GALNT13: variants seen among roughly 807,000 people sequenced by gnomAD.
GALNT13 encodes the protein polypeptide N-acetylgalactosaminyltransferase 13.
In GALNT13, 28 loss-of-function variants were observed where a neutral mutation model predicts 64.2. The ratio of observed to expected loss-of-function variants is 0.44; its 90% CI spans 0.32 to 0.60. GALNT13 has a LOEUF of 0.60. Ranked by LOEUF, GALNT13 falls within the 20% of genes least tolerant of loss-of-function variation. GALNT13 has a pLI of 0.05. For missense variants in GALNT13, 577 were observed against 669.8 expected (o/e 0.86, Z 1.53); for synonymous variants, 214 against 224.6 (o/e 0.95, Z 0.42).
intron 9 of GALNT13, among the ~76,000 whole-genome samples, chr2:154,377,248 C>G (rs889379858): frequency 6.6e-6 from 1 of 151,610 alleles, no homozygotes; most frequent in Non-Finnish European, 1.5e-5. Context: ...TCTTTTCATT[C>G]AGTGATATCT....
chr2:153,473,462 G>A, the GALNT13 span, among the ~76,000 whole-genome samples: 22 of 152,180 alleles, frequency 1.4e-4, no homozygotes, highest in South Asian at 4.6e-3. Context: ...AAGTGAGATT[G>A]GCCATGGAAA....
At chr2:154,101,235 G>A (rs1386351806) in intron 3 of GALNT13, among the ~76,000 whole-genome samples, 1 of 151,876 alleles carries the variant, frequency 6.6e-6, no homozygotes, top group Non-Finnish European at 1.5e-5. Context: ...GAGTTAGGAA[G>A]GAATGTTTCC....
the GALNT13 span, among the ~76,000 whole-genome samples, chr2:153,771,649 T>C: frequency 5.3e-5 from 8 of 152,036 alleles, no homozygotes; most frequent in Admixed American, 1.3e-4. Context: ...AAAGATTTTG[T>C]AGGAAAAAGG....
the GALNT13 span, among the ~76,000 whole-genome samples, chr2:153,158,687 T>C: frequency 2.0e-5 from 3 of 152,212 alleles, no homozygotes; most frequent in Non-Finnish European, 4.4e-5. Context: ...CAGAACATGA[T>C]GTATTTTGAA....
At chr2:153,298,878 T>C in the GALNT13 span, among the ~76,000 whole-genome samples, 1 of 152,210 alleles carries the variant, frequency 6.6e-6, no homozygotes, top group African/African-American at 2.4e-5. Context: ...ATGAGTATGT[T>C]ACTGGAAGGT....
At chr2:153,826,532 TC>T in the GALNT13 span, among the ~76,000 whole-genome samples, 1 of 152,214 alleles carries the variant, frequency 6.6e-6, no homozygotes, top group African/African-American at 2.4e-5. Flanking sequence ...CTACAAGTGT[TC>T]CCTGGTATTA....
At chr2:154,239,330 G>A (rs1186305001) in intron 4 of GALNT13, among the ~76,000 whole-genome samples, 1 of 152,128 alleles carries the variant, frequency 6.6e-6, no homozygotes, top group Non-Finnish European at 1.5e-5. Context: ...ATGATGCTGA[G>A]TAGACTTTAT....
chr2:153,765,902 G>A, the GALNT13 span, among the ~76,000 whole-genome samples: 1 of 152,148 alleles, frequency 6.6e-6, no homozygotes. Context: ...TCTCTTGCCT[G>A]CCACCACGTA....
chr2:153,808,629 A>T, the GALNT13 span, among the ~76,000 whole-genome samples: 1 of 152,184 alleles, frequency 6.6e-6, no homozygotes, highest in Admixed American at 6.5e-5. Flanking sequence ...CTCATATATA[A>T]GAACCCTACT....
intron 9 of GALNT13, among the ~76,000 whole-genome samples, chr2:154,347,244 T>A (rs1011615246): frequency 2.0e-5 from 3 of 152,148 alleles, no homozygotes; most frequent in Non-Finnish European, 4.4e-5. Context: ...CTCTGCATCC[T>A]TGCTATTGCC....
In GALNT13 at chr2:154,208,593, C is replaced by T. The variant is rs142739553; in HGVS notation, c.312-33437C>T. The stretch of plus-strand genomic sequence containing the variant: ...CTGGAATCTGATATCTGAAGCACTG[C>T]CTTGTCTTATTTTAATCACGTTTTG... On this transcript the variant is annotated intron_variant, in intron 4 of 12. Coordinates refer to ENST00000392825, the MANE Select transcript of GALNT13 (RefSeq NM_052917.4). Among the ~76,000 whole-genome samples the T allele has an allele frequency of 9.1e-4, 135 of 147,784 alleles. 3 individuals are homozygous for T. In the East Asian group the frequency reaches 0.021, roughly 22 times the overall value.
the GALNT13 span, among the ~76,000 whole-genome samples, chr2:153,687,389 G>A: frequency 3.3e-5 from 5 of 151,838 alleles, no homozygotes; most frequent in African/African-American, 1.2e-4. Context: ...ATGTACCCAG[G>A]AATTAAGCCA....
At chr2:153,303,770 A>T in the GALNT13 span, among the ~76,000 whole-genome samples, 12 of 152,164 alleles carry the variant, frequency 7.9e-5, no homozygotes, top group South Asian at 2.5e-3. Flanking sequence ...AAATATATTG[A>T]ATTTTGTCAA....
chr2:153,643,597 A>G, the GALNT13 span, among the ~76,000 whole-genome samples: 3 of 151,866 alleles, frequency 2.0e-5, no homozygotes, highest in Admixed American at 6.6e-5. Flanking sequence ...AAAAAAAAGT[A>G]ACAGTCTAAG....
chr2:153,847,626 A>T, the GALNT13 span, among the ~76,000 whole-genome samples: 3 of 150,868 alleles, frequency 2.0e-5, no homozygotes, highest in Non-Finnish European at 4.4e-5. Context: ...ATAACCCAGG[A>T]GTAAAAAAAA....
At chr2:153,442,372 A>C in the GALNT13 span, among the ~76,000 whole-genome samples, 1 of 152,174 alleles carries the variant, frequency 6.6e-6, no homozygotes, top group East Asian at 1.9e-4. Flanking sequence ...GGATTTTTGC[A>C]TCGATGTACA....
chr2:153,235,581 A>G, the GALNT13 span, among the ~76,000 whole-genome samples: 1 of 152,068 alleles, frequency 6.6e-6, no homozygotes. Flanking sequence ...CTTTTTTACT[A>G]TTATAGTGAG....
At chr2:153,596,700 G>A in the GALNT13 span, among the ~76,000 whole-genome samples, 1 of 151,862 alleles carries the variant, frequency 6.6e-6, no homozygotes, top group African/African-American at 2.4e-5. Flanking sequence ...TGCACATAAT[G>A]CTGGAAAACT....
chr2:154,377,737 A>T (rs1485764397), intron 9 of GALNT13, among the ~76,000 whole-genome samples: 1 of 152,204 alleles, frequency 6.6e-6, no homozygotes, highest in Non-Finnish European at 1.5e-5. Flanking sequence ...TACATGAAAC[A>T]GACAAAATAT....
Sources: gnomAD v4.1 joint callset for allele counts (sites outside exome capture counted in the v4.1 genomes callset) on GRCh38, gnomAD v4.1.1 for gene constraint, MANE v1.5 for transcripts, NCBI Gene and HGNC (gene_info 2026-07-23, HGNC 2026-07-21) for gene names.